The following EVI5 variants were observed in gnomAD, a reference collection of about 807,000 sequenced individuals.
The protein encoded by EVI5 is ecotropic viral integration site 5, also known as ecotropic viral integration site 5 protein homolog.
A neutral mutation model predicts 112.0 loss-of-function variants in EVI5; 73 were observed. The ratio of observed to expected loss-of-function variants is 0.65; its 90% CI spans 0.54 to 0.79. The LOEUF is 0.79. EVI5 is among the 30% of genes least tolerant of loss of function. The probability of loss-of-function intolerance (pLI) is 0.00; values close to 1 mark genes in which losing one functional copy is unlikely to be tolerated. For synonymous variants in EVI5, 305 were observed against 319.9 expected, an observed-to-expected ratio of 0.95 and a Z score of 0.50; for missense variants, 900 against 968.8, an observed-to-expected ratio of 0.93 and a Z score of 0.94.
intron 19 of EVI5, among the ~76,000 whole-genome samples, chr1:92,529,696 C>T (rs1217972104): frequency 4.6e-5 from 7 of 152,152 alleles, no homozygotes; most frequent in Non-Finnish European, 1.0e-4. Context: ...TAGCCAGAAC[C>T]AAATCCCTAA....
intron 1 of EVI5, among the ~76,000 whole-genome samples, chr1:92,780,331 G>A (rs1032301695): frequency 6.6e-6 from 1 of 152,186 alleles, no homozygotes; most frequent in African/African-American, 2.4e-5. Flanking sequence ...CATGAGAACA[G>A]ACTAATACAC....
chr1:92,562,606 T>C (rs767407738), intron 19 of EVI5, among the ~76,000 whole-genome samples: 11 of 152,226 alleles, frequency 7.2e-5, no homozygotes, highest in Non-Finnish European at 1.6e-4. Flanking sequence ...TATGTTATCA[T>C]GGCTGAAAAT....
At chr1:92,540,861 G>C (rs920457300) in intron 19 of EVI5, among the ~76,000 whole-genome samples, 2 of 152,100 alleles carry the variant, frequency 1.3e-5, no homozygotes, top group Non-Finnish European at 2.9e-5. Context: ...ATCACCTGAG[G>C]TCAGGAGTTT....
chr1:92,633,482 C>T (rs548576354), intron 14 of EVI5, among the ~76,000 whole-genome samples: 2 of 152,146 alleles, frequency 1.3e-5, no homozygotes, highest in South Asian at 4.1e-4. Flanking sequence ...TTATCAGAGA[C>T]TAGGATTGCA....
chr1:92,557,122 A>G (rs1667789238), intron 19 of EVI5, among the ~76,000 whole-genome samples: 1 of 152,180 alleles, frequency 6.6e-6, no homozygotes, highest in African/African-American at 2.4e-5. Context: ...CAAAAAAGAC[A>G]GGATGACAGA....
chr1:92,509,002 A>G lies in EVI5; in HGVS notation c.*4654T>C, dbSNP rs988573740. 1.3e-5 allele frequency: 2 copies of G among 152,216 alleles called. No homozygotes were observed. Among genetic ancestry groups the G allele is most frequent in the Non-Finnish European group, 2.9e-5 (2 of 68,030 alleles). The allele number at this position is 152,216 out of a possible 1,614,324, so 9.4% of individuals were successfully genotyped here. A position where few individuals can be genotyped will look rare whatever the true frequency, so the allele number is the denominator to read the frequency against. ...TAAAACTTAGTTTTGTTAATAATAG[A>G]GCAGCAGTAACTTTCAAGCTAAAAC... On this transcript the variant is annotated 3_prime_UTR_variant, in exon 20 of 20. Coordinates refer to ENST00000684568, the MANE Select transcript of EVI5 (RefSeq NM_001350197.2).
rs1346516271 is a variant in EVI5, at chr1:92,592,414, C to T, written c.2070+12893G>A. The stretch of plus-strand genomic sequence containing the variant: ...CATACCAGAATCTCTGGGACACATT[C>T]CAAGCAGTGTGTAGAGGGAAATTTA... On this transcript the variant is annotated intron_variant, in intron 18 of 19. Transcript: ENST00000684568. Among the ~76,000 whole-genome samples the T allele has an allele frequency of 2.0e-5, 3 of 152,164 alleles. No individual in the cohort carries two copies. In the South Asian group the frequency reaches 6.2e-4, roughly 32 times the overall value.
At chr1:92,711,321 T>A (rs6680578) in intron 2 of EVI5, among the ~76,000 whole-genome samples, 87,824 of 152,032 alleles carry the variant, frequency 0.58, 27,082 homozygotes, top group East Asian at 0.92. Context: ...GATATTAAAC[T>A]TCTTGAGTAT....
intron 2 of EVI5, among the ~76,000 whole-genome samples, chr1:92,707,087 G>A (rs1399948533): frequency 6.6e-6 from 1 of 151,090 alleles, no homozygotes; most frequent in African/African-American, 2.4e-5. Context: ...GCTGAGGCAG[G>A]AGAATTGCTT....
intron 1 of EVI5, among the ~76,000 whole-genome samples, chr1:92,783,292 G>A (rs944366643): frequency 5.9e-5 from 9 of 151,312 alleles, no homozygotes; most frequent in African/African-American, 2.2e-4. Flanking sequence ...TTCGAAGGCC[G>A]AGGCGGGCAG....
intron 9 of EVI5, among the ~76,000 whole-genome samples, chr1:92,689,614 T>C (rs1445416131): frequency 6.6e-6 from 1 of 152,132 alleles, no homozygotes; most frequent in Non-Finnish European, 1.5e-5. Context: ...ACAATCTGCC[T>C]GCCTCAGCCT....
At chr1:92,774,681 A>C (rs1322216672) in intron 1 of EVI5, among the ~76,000 whole-genome samples, 1 of 152,238 alleles carries the variant, frequency 6.6e-6, no homozygotes, top group Non-Finnish European at 1.5e-5. Flanking sequence ...ACAAAAACCC[A>C]GATAATAGCC....
intron 9 of EVI5, among the ~76,000 whole-genome samples, chr1:92,686,209 T>C (rs4847190): frequency 0.92 from 140,387 of 152,244 alleles, 64,805 homozygotes; most frequent in East Asian, 0.97. Context: ...ATGATCAAGT[T>C]GGCTTCATCC....
intron 19 of EVI5, among the ~76,000 whole-genome samples, chr1:92,523,110 T>G (rs1406472136): frequency 6.6e-6 from 1 of 152,118 alleles, no homozygotes; most frequent in Non-Finnish European, 1.5e-5. Context: ...AGGCTGGTCT[T>G]GAACTCCTGG....
chr1:92,677,296 C>T lies in EVI5; in HGVS notation c.1098-78G>A, dbSNP rs541638669. The stretch of plus-strand genomic sequence containing the variant: ...TATTAAATTACAAAATTTAAAAATA[C>T]ATATGAACATAAAATACAATTTCTT... On this transcript the variant is annotated intron_variant, in intron 9 of 19. Transcript: ENST00000684568. 13 of 700,536 alleles carry T rather than the reference C, an allele frequency of 1.9e-5. No individual in the cohort carries two copies. In the South Asian group the frequency reaches 2.4e-4, roughly 13 times the overall value. 43.4% of individuals were successfully genotyped at this position (700,536 alleles called of 1,614,324 possible).
At chr1:92,661,769 C>T (rs1392220381) in intron 13 of EVI5, among the ~76,000 whole-genome samples, 1 of 151,690 alleles carries the variant, frequency 6.6e-6, no homozygotes, top group South Asian at 2.1e-4. Flanking sequence ...TTTTTTGTAC[C>T]GAGATGACGA....
chr1:92,748,716 C>A (rs200626302), intron 1 of EVI5, among the ~76,000 whole-genome samples: 1 of 97,290 alleles, frequency 1.0e-5, no homozygotes, highest in African/African-American at 3.0e-5. Flanking sequence ...GAGAAAAAAA[C>A]ATCTTTTCAC....
At chr1:92,591,283 G>T (rs1046222088) in intron 18 of EVI5, among the ~76,000 whole-genome samples, 4 of 152,112 alleles carry the variant, frequency 2.6e-5, no homozygotes, top group South Asian at 2.1e-4. Flanking sequence ...TAAATGTAAA[G>T]GGGCTAAATG....
chr1:92,635,342 T>C (rs1658540068), intron 14 of EVI5, among the ~76,000 whole-genome samples: 1 of 152,206 alleles, frequency 6.6e-6, no homozygotes, highest in Non-Finnish European at 1.5e-5. Context: ...TGGAGCTTCC[T>C]GGCCGCGTTG....
Sources: allele counts gnomAD v4.1 joint callset (sites outside exome capture counted in the v4.1 genomes callset), GRCh38; gene constraint gnomAD v4.1.1; transcripts MANE v1.5; gene names NCBI Gene and HGNC (gene_info 2026-07-23, HGNC 2026-07-21).